The following CSMD1 variants were observed in gnomAD, a reference collection of about 807,000 sequenced individuals.
The protein encoded by CSMD1 is CUB and sushi domain-containing protein 1.
Under a neutral mutation model 417.5 loss-of-function variants are expected in CSMD1, and 213 were observed. The observed-to-expected ratio is 0.51, with a 90% CI of 0.46 to 0.57. CSMD1 has a LOEUF of 0.57. Among genes scored for constraint, CSMD1 ranks in the 20% least tolerant of loss-of-function variants. CSMD1 has a pLI of 0.00. For missense variants in CSMD1, 6,923 were observed against 4,529.7 expected, an observed-to-expected ratio of 1.53 and a Z score of -15.17; for synonymous variants, 2,862 against 1,736.8, an observed-to-expected ratio of 1.65 and a Z score of -16.11.
At chr8:3,431,352 G>A (rs375708069) in intron 12 of CSMD1, among the ~76,000 whole-genome samples, 1 of 152,140 alleles carries the variant, frequency 6.6e-6, no homozygotes, top group Non-Finnish European at 1.5e-5. Flanking sequence ...CTTGGAGAGT[G>A]AAAATTTTCC....
At chr8:4,722,248 G>T (rs1809106669) in intron 1 of CSMD1, among the ~76,000 whole-genome samples, 1 of 152,004 alleles carries the variant, frequency 6.6e-6, no homozygotes, top group African/African-American at 2.4e-5. Context: ...ATTTGACTAT[G>T]CATATCAAGC....
chr8:2,991,369 G>A (rs1196349328), intron 54 of CSMD1, among the ~76,000 whole-genome samples: 2 of 152,068 alleles, frequency 1.3e-5, no homozygotes, highest in Non-Finnish European at 2.9e-5. Context: ...TGTCACTGTT[G>A]GAGATTTTTT....
chr8:4,559,043 G>A (rs1004818743), intron 2 of CSMD1, among the ~76,000 whole-genome samples: 4 of 151,980 alleles, frequency 2.6e-5, no homozygotes, highest in Non-Finnish European at 5.9e-5. Context: ...GTCCCCCTTT[G>A]GAGCCCTCAT....
intron 5 of CSMD1, among the ~76,000 whole-genome samples, chr8:3,763,520 G>A (rs895715701): frequency 6.6e-6 from 1 of 152,088 alleles, no homozygotes; most frequent in East Asian, 1.9e-4. Flanking sequence ...ACCTTCTACT[G>A]TGAATAAAAA....
intron 26 of CSMD1, among the ~76,000 whole-genome samples, chr8:3,240,267 C>G (rs1799412233): frequency 6.6e-6 from 1 of 152,024 alleles, no homozygotes; most frequent in African/African-American, 2.4e-5. Flanking sequence ...GGGGCAGTCT[C>G]TAAAGCTGTC....
chr8:4,176,037 C>G (rs978534971), intron 3 of CSMD1, among the ~76,000 whole-genome samples: 5 of 152,068 alleles, frequency 3.3e-5, no homozygotes, highest in African/African-American at 1.2e-4. Context: ...TCAGGGTTCC[C>G]AAGAAGCAGG....
intron 49 of CSMD1, among the ~76,000 whole-genome samples, chr8:3,063,577 T>C (rs936515232): frequency 6.6e-6 from 1 of 152,200 alleles, no homozygotes; most frequent in Non-Finnish European, 1.5e-5. Flanking sequence ...ATGAAAGCAA[T>C]CGAAGTGTCT....
chr8:3,920,068 C>A (rs939469015), intron 5 of CSMD1, among the ~76,000 whole-genome samples: 2 of 151,916 alleles, frequency 1.3e-5, no homozygotes, highest in African/African-American at 4.8e-5. Flanking sequence ...GATCTCACTC[C>A]TTCTGCCCTG....
At chr8:4,902,265 C>T (rs1317214742) in intron 1 of CSMD1, among the ~76,000 whole-genome samples, 1 of 145,040 alleles carries the variant, frequency 6.9e-6, no homozygotes, top group Admixed American at 6.8e-5. Flanking sequence ...AAACATCTCG[C>T]TCTATCTATT....
chr8:3,514,805 G>T (rs541778855), intron 10 of CSMD1, among the ~76,000 whole-genome samples: 2 of 152,080 alleles, frequency 1.3e-5, no homozygotes, highest in Non-Finnish European at 2.9e-5. Context: ...GTAACTTACA[G>T]TGGGTACCTA....
At chr8:2,944,355 A>G (rs1802078866) in intron 68 of CSMD1, among the ~76,000 whole-genome samples, 1 of 152,148 alleles carries the variant, frequency 6.6e-6, no homozygotes, top group Non-Finnish European at 1.5e-5. Flanking sequence ...GTGTGCACTG[A>G]GGGTGGTCCC....
At chr8:4,553,509 T>C (rs1797959346) in intron 2 of CSMD1, among the ~76,000 whole-genome samples, 1 of 152,098 alleles carries the variant, frequency 6.6e-6, no homozygotes, top group Non-Finnish European at 1.5e-5. Context: ...GAGAGACTGC[T>C]TAAAAAGAGT....
At chr8:4,760,607 A>T (rs573000208) in intron 1 of CSMD1, among the ~76,000 whole-genome samples, 1 of 152,344 alleles carries the variant, frequency 6.6e-6, no homozygotes, top group East Asian at 1.9e-4. Context: ...AAAAATAGAA[A>T]AATATAAAAT....
At chr8:4,481,721 T>A (rs1049628134) in intron 2 of CSMD1, among the ~76,000 whole-genome samples, 2 of 152,226 alleles carry the variant, frequency 1.3e-5, no homozygotes, top group African/African-American at 4.8e-5. Context: ...TATATTAGAC[T>A]ACTTCTTTAA....
intron 2 of CSMD1, among the ~76,000 whole-genome samples, chr8:4,568,080 T>C (rs955935793): frequency 1.3e-5 from 2 of 152,306 alleles, no homozygotes; most frequent in East Asian, 1.9e-4. Context: ...GCTTGGTTAA[T>C]GCAAGAATAA....
At chr8:3,503,436 G>C (rs1214742720) in intron 10 of CSMD1, among the ~76,000 whole-genome samples, 1 of 152,248 alleles carries the variant, frequency 6.6e-6, no homozygotes, top group East Asian at 1.9e-4. Context: ...TGCACAGGCA[G>C]TGAAAAGCGC....
At chr8:4,496,213 T>A (rs1801970260) in intron 2 of CSMD1, among the ~76,000 whole-genome samples, 1 of 152,166 alleles carries the variant, frequency 6.6e-6, no homozygotes. Flanking sequence ...CATTTTCACT[T>A]TTGCAAAGAG....
chr8:4,055,316 C>G (rs531540765), intron 3 of CSMD1, among the ~76,000 whole-genome samples: 1 of 152,142 alleles, frequency 6.6e-6, no homozygotes, highest in South Asian at 2.1e-4. Flanking sequence ...ATGTCTCCTT[C>G]TCTAATAAAT....
At chr8:4,991,408 T>G (rs1019729419) in intron 1 of CSMD1, among the ~76,000 whole-genome samples, 5 of 152,190 alleles carry the variant, frequency 3.3e-5, no homozygotes, top group African/African-American at 7.2e-5. Flanking sequence ...AAGCTGATAC[T>G]CAAGTACCCA....
Sources: gnomAD v4.1 joint callset for allele counts (sites outside exome capture counted in the v4.1 genomes callset) on GRCh38, gnomAD v4.1.1 for gene constraint, MANE v1.5 for transcripts, NCBI Gene and HGNC (gene_info 2026-07-23, HGNC 2026-07-21) for gene names.